Variants in KCNQ5 observed in about 807,000 individuals in gnomAD.
The protein encoded by KCNQ5 is potassium voltage-gated channel subfamily KQT member 5.
A neutral mutation model predicts 98.2 loss-of-function variants in KCNQ5; 30 were observed. The ratio of observed to expected loss-of-function variants is 0.31; its 90% CI spans 0.23 to 0.41. KCNQ5 has a LOEUF of 0.41. KCNQ5 is among the 10% of genes least tolerant of loss of function. The pLI is 1.00. For synonymous variants in KCNQ5, 458 were observed against 449.4 expected (o/e 1.02, Z -0.24); for missense variants, 835 against 1,182.5 (o/e 0.71, Z 4.31).
chr6:73,157,452 A>G, intron 10 of KCNQ5: 1 of 675,980 alleles, frequency 1.5e-6, no homozygotes, highest in Non-Finnish European at 2.7e-6. Flanking sequence ...GTGGGAGCTC[A>G]GGGCGCCTGT....
At chr6:72,710,030 A>G (rs1337480053) in intron 1 of KCNQ5, among the ~76,000 whole-genome samples, 1 of 152,184 alleles carries the variant, frequency 6.6e-6, no homozygotes, top group African/African-American at 2.4e-5. Context: ...TAACATGTTT[A>G]GAGAGGAATG....
intron 1 of KCNQ5, among the ~76,000 whole-genome samples, chr6:72,935,473 A>C (rs1765875092): frequency 6.6e-6 from 1 of 152,094 alleles, no homozygotes; most frequent in African/African-American, 2.4e-5. Flanking sequence ...ATATGTCTCA[A>C]ATGGGTCCTC....
chr6:72,807,689 T>C (rs1775023106), intron 1 of KCNQ5, among the ~76,000 whole-genome samples: 1 of 152,142 alleles, frequency 6.6e-6, no homozygotes, highest in South Asian at 2.1e-4. Flanking sequence ...TTTTTAAAAA[T>C]ATTTTGTAGA....
At chr6:72,984,223 A>G (rs1446134604) in intron 1 of KCNQ5, among the ~76,000 whole-genome samples, 1 of 152,196 alleles carries the variant, frequency 6.6e-6, no homozygotes, top group East Asian at 1.9e-4. Flanking sequence ...CCATGCTGGG[A>G]GAACCACTGC....
intron 1 of KCNQ5, among the ~76,000 whole-genome samples, chr6:72,838,110 C>CA (rs1776595806): frequency 8.9e-6 from 1 of 112,494 alleles, no homozygotes; most frequent in Non-Finnish European, 1.7e-5. Flanking sequence ...CCCCTCCCCC[C>CA]ACCCCACAAC....
chr6:73,059,104 A>G (rs1332442289), intron 3 of KCNQ5, among the ~76,000 whole-genome samples: 1 of 152,238 alleles, frequency 6.6e-6, no homozygotes, highest in Admixed American at 6.5e-5. Context: ...CCTTAAAGAC[A>G]TATGCACTCA....
intron 1 of KCNQ5, among the ~76,000 whole-genome samples, chr6:72,631,756 G>A (rs139273099): frequency 6.6e-6 from 1 of 152,296 alleles, no homozygotes; most frequent in Non-Finnish European, 1.5e-5. Context: ...AGGGAGATTG[G>A]ACACTAGCTA....
intron 1 of KCNQ5, among the ~76,000 whole-genome samples, chr6:72,939,119 G>A (rs762625458): frequency 3.9e-5 from 6 of 152,130 alleles, no homozygotes; most frequent in Non-Finnish European, 7.3e-5. Flanking sequence ...TTTGATGTTC[G>A]TTGAGCATTA....
chr6:72,984,033 A>C (rs1006373126), intron 1 of KCNQ5, among the ~76,000 whole-genome samples: 1 of 152,188 alleles, frequency 6.6e-6, no homozygotes, highest in Non-Finnish European at 1.5e-5. Context: ...GCAGAACAGC[A>C]AATATTGCAG....
intron 1 of KCNQ5, among the ~76,000 whole-genome samples, chr6:72,789,649 T>G (rs1773930196): frequency 6.6e-6 from 1 of 152,192 alleles, no homozygotes; most frequent in African/African-American, 2.4e-5. Flanking sequence ...TTAGGTATGT[T>G]TTGTGAGGTA....
intron 11 of KCNQ5, among the ~76,000 whole-genome samples, chr6:73,172,786 G>T (rs894771599): frequency 1.3e-5 from 2 of 152,058 alleles, no homozygotes; most frequent in African/African-American, 4.8e-5. Context: ...TATTTAATAC[G>T]AATATTTAAA....
chr6:72,878,553 A>G (rs980151278), intron 1 of KCNQ5, among the ~76,000 whole-genome samples: 3 of 152,154 alleles, frequency 2.0e-5, no homozygotes, highest in Non-Finnish European at 4.4e-5. Flanking sequence ...CTCTTCAAGG[A>G]GTCCTGGCTG....
intron 1 of KCNQ5, among the ~76,000 whole-genome samples, chr6:72,838,712 A>G (rs1276937081): frequency 6.6e-6 from 1 of 151,812 alleles, no homozygotes; most frequent in African/African-American, 2.4e-5. Context: ...GCACTTTGGG[A>G]GGCCGAGGCG....
chr6:72,979,484 T>C (rs1406222077), intron 1 of KCNQ5, among the ~76,000 whole-genome samples: 1 of 152,230 alleles, frequency 6.6e-6, no homozygotes, highest in Non-Finnish European at 1.5e-5. Context: ...TTTTGAGAAG[T>C]GTCTGTTCAT....
At chr6:72,655,343 C>A (rs1442420486) in intron 1 of KCNQ5, among the ~76,000 whole-genome samples, 3 of 151,916 alleles carry the variant, frequency 2.0e-5, no homozygotes, top group African/African-American at 7.3e-5. Context: ...GTGCTACAGA[C>A]CACAAGCTCA....
intron 1 of KCNQ5, among the ~76,000 whole-genome samples, chr6:72,818,186 A>C (rs1243410651): frequency 6.6e-6 from 1 of 152,184 alleles, no homozygotes; most frequent in African/African-American, 2.4e-5. Flanking sequence ...TACTTATTTA[A>C]ACTTGTATTA....
At chr6:73,080,763 C>T (rs951121990) in intron 5 of KCNQ5, among the ~76,000 whole-genome samples, 2 of 152,194 alleles carry the variant, frequency 1.3e-5, no homozygotes, top group African/African-American at 2.4e-5. Flanking sequence ...AAAGATCCCA[C>T]AGTATCAACA....
At chr6:72,636,060 A>C (rs2098923937) in intron 1 of KCNQ5, among the ~76,000 whole-genome samples, 1 of 152,152 alleles carries the variant, frequency 6.6e-6, no homozygotes, top group African/African-American at 2.4e-5. Flanking sequence ...ATATTCAGTG[A>C]ATAATTTTAA....
At chr6:72,718,220 G>C (rs1328095928) in intron 1 of KCNQ5, among the ~76,000 whole-genome samples, 1 of 152,144 alleles carries the variant, frequency 6.6e-6, no homozygotes, top group African/African-American at 2.4e-5. Context: ...AATTCCATTA[G>C]AAATCCATGA....
Sources: allele counts gnomAD v4.1 joint callset (sites outside exome capture counted in the v4.1 genomes callset), GRCh38; gene constraint gnomAD v4.1.1; transcripts MANE v1.5; gene names NCBI Gene and HGNC (gene_info 2026-07-23, HGNC 2026-07-21).